The following RSPH10B2 variants were observed in gnomAD, a reference collection of about 807,000 sequenced individuals.
The protein encoded by RSPH10B2 is radial spoke head 10 homolog B2.
In RSPH10B2, 9 loss-of-function variants were observed where a neutral mutation model predicts 49.0. That is an observed-to-expected ratio of 0.18 (90% CI 0.11 to 0.32). The LOEUF (loss-of-function observed/expected upper bound fraction) is 0.32, where lower values mean the gene tolerates loss of function less well. Among genes scored for constraint, RSPH10B2 ranks in the 10% least tolerant of loss-of-function variants. The probability of loss-of-function intolerance (pLI) is 1.00; values close to 1 mark genes in which losing one functional copy is unlikely to be tolerated. For synonymous variants in RSPH10B2, 35 were observed against 210.2 expected (o/e 0.17, Z 7.21); for missense variants, 95 against 589.9 (o/e 0.16, Z 8.69).
At position 6,784,758 on chromosome 7, in the gene RSPH10B2, C is replaced by A. The variant is rs569523172; in HGVS notation, c.1759-1191C>A. Among the ~76,000 whole-genome samples, 46 of 126,478 alleles carry A rather than the reference C, an allele frequency of 3.6e-4. 3 individuals carry two copies. The highest frequency in any genetic ancestry group is 6.7e-4 in the Non-Finnish European group (42 of 62,754). 83.0% of individuals were successfully genotyped at this position (126,478 alleles called of 152,430 possible). On this transcript the variant is annotated intron_variant, in intron 13 of 18. Coordinates refer to ENST00000297186, the Ensembl canonical transcript of RSPH10B2. Reference sequence around the variant, plus strand: ...TTTTTTTGTATTTTTAGTAGAGATGCGGTTTGTCCATGTTGGCCAGGATGG... The same window carrying A: ...TTTTTTTGTATTTTTAGTAGAGATGAGGTTTGTCCATGTTGGCCAGGATGG...
chr7:6,779,925 G>A (rs2462663), intron 11 of RSPH10B2, among the ~76,000 whole-genome samples: 102 of 131,756 alleles, frequency 7.7e-4, no homozygotes, highest in African/African-American at 2.3e-3. Flanking sequence ...CTTCTGCCTC[G>A]GGCTCCTGGG....
intron 17 of RSPH10B2, among the ~76,000 whole-genome samples, chr7:6,795,872 C>T (rs1264391234): frequency 2.0e-5 from 3 of 148,332 alleles, no homozygotes; most frequent in Non-Finnish European, 4.5e-5. Flanking sequence ...CTCCAGGCTT[C>T]AGTGAGCCAT....
chr7:6,783,834 TA>T (rs1562413615), intron 13 of RSPH10B2, among the ~76,000 whole-genome samples: 3 of 143,548 alleles, frequency 2.1e-5, no homozygotes, highest in African/African-American at 7.9e-5. Context: ...ATAATAATAA[TA>T]ATAATTATTA....
chr7:6,765,787 A>T lies in RSPH10B2; in HGVS notation c.655A>T (p.Arg219Ter). 1 of 1,574,038 alleles carries T rather than the reference A, an allele frequency of 6.4e-7. No homozygotes were observed. The highest frequency in any genetic ancestry group is 8.6e-7 in the Non-Finnish European group (1 of 1,167,904). The stretch of plus-strand genomic sequence containing the variant: ...AAACATCAAAAAGGGCTGGGGAATA[A>T]GATGGTAGGTATGACCACTGCCGCG... Residue 219 changes from arginine (R) to a stop codon, truncating the protein, a stop_gained, in exon 5 of 19, where the codon AGA (arginine) becomes TGA (stop). Transcript: ENST00000297186. LOFTEE classifies it high-confidence loss of function.
rs1212330220 is a variant in RSPH10B2 at position 6,780,812 on chromosome 7, G to A, written c.1533G>A (p.Lys511=). Residue 511 remains lysine (K), a synonymous_variant, in exon 12 of 19, where the codon AAG becomes AAA. Coordinates refer to ENST00000297186, the Ensembl canonical transcript of RSPH10B2. ...TATCTTTTGATGATTATCACAGAAA[G>A]AGAAGCCCATCCCTCTTCTTGTGTT... 5 of 1,491,962 alleles carry A rather than the reference G, an allele frequency of 3.4e-6. 1 individual carries two copies. The African/African-American group carries it at 4.9e-5, about 15-fold the overall frequency. 92.4% of individuals were successfully genotyped at this position (1,491,962 alleles called of 1,614,324 possible).
intron 13 of RSPH10B2, among the ~76,000 whole-genome samples, chr7:6,783,957 C>T (rs1395993293): frequency 2.3e-5 from 3 of 130,810 alleles, no homozygotes; most frequent in African/African-American, 8.9e-5. Flanking sequence ...CTGCCTCAGC[C>T]TCCCGAGTAG....
At chr7:6,756,019 C>T (rs529652917), upstream of RSPH10B2, among the ~76,000 whole-genome samples, 3 of 148,904 alleles carry the variant, frequency 2.0e-5, no homozygotes, top group Middle Eastern at 3.5e-3. Context: ...CCTGTAATCC[C>T]AGCACTTTGG....
chr7:6,776,872 A>ATCTC (rs1430562193), intron 10 of RSPH10B2, among the ~76,000 whole-genome samples: 5 of 41,316 alleles, frequency 1.2e-4, no homozygotes, highest in African/African-American at 4.5e-4. Context: ...GCGAGACTCC[A>ATCTC]TCACACACAC....
chr7:6,779,829 A>T lies in RSPH10B2; in HGVS notation c.1529+105A>T, dbSNP rs1347176415. ...AGCAGTCATTTTTATTTTTTTGGAG[A>T]TGGAGTCTTGCTCTGTCGCCCAGGC... is the stretch of plus-strand genomic sequence containing the variant. On this transcript the variant is annotated intron_variant, in intron 11 of 18. Coordinates refer to ENST00000297186, the Ensembl canonical transcript of RSPH10B2. 2.1e-5 allele frequency: 7 copies of T among 333,272 alleles called. No homozygotes were observed. In the Admixed American group the frequency reaches 4.2e-4, roughly 20 times the overall value. The allele number at this position is 333,272 out of a possible 1,614,324, so 20.6% of individuals were successfully genotyped here.
intron 3 of RSPH10B2, among the ~76,000 whole-genome samples, chr7:6,760,534 G>A (rs1199865075): frequency 9.0e-6 from 1 of 110,694 alleles, no homozygotes; most frequent in African/African-American, 3.3e-5. Context: ...ACACATACAT[G>A]TATGTAGCTT....
intron 7 of RSPH10B2, among the ~76,000 whole-genome samples, chr7:6,770,550 G>T (rs1215230063): frequency 1.5e-5 from 2 of 132,746 alleles, no homozygotes; most frequent in South Asian, 4.7e-4. Context: ...GGCGGAGGTT[G>T]CAGTGAGTTA....
At chr7:6,763,888 C>A in intron 3 of RSPH10B2, 40 bp from the exon 6 acceptor site, 1 of 1,603,614 alleles carries the variant, frequency 6.2e-7, no homozygotes. Flanking sequence ...CCCCACCCCC[C>A]AACGCTTCCT....
chr7:6,782,936 T>A (rs1316251132), intron 13 of RSPH10B2, among the ~76,000 whole-genome samples: 1 of 126,646 alleles, frequency 7.9e-6, no homozygotes, highest in Non-Finnish European at 1.7e-5. Context: ...ACAATTACAG[T>A]TTATCGAAAA....
upstream of RSPH10B2, among the ~76,000 whole-genome samples, chr7:6,756,194 C>T (rs1444815836): frequency 3.5e-5 from 5 of 141,734 alleles, no homozygotes; most frequent in Admixed American, 7.0e-5. Flanking sequence ...GGCATGAACC[C>T]GGGAGGTGGA....
At chr7:6,784,628 C>T (rs1338361785) in intron 13 of RSPH10B2, among the ~76,000 whole-genome samples, 2 of 108,760 alleles carry the variant, frequency 1.8e-5, no homozygotes, top group African/African-American at 8.0e-5. Context: ...TGCGGTGGCA[C>T]GATCTCACCT....
chr7:6,781,420 G>A (rs1781930316), exon 13 of RSPH10B2: 1 of 1,296,906 alleles, frequency 7.7e-7, no homozygotes, highest in South Asian at 1.9e-5. Flanking sequence ...CAGACCCAGT[G>A]CAGCGCCTCC....
chr7:6,752,932 CAG>C (rs1780936473), upstream of RSPH10B2: 1 of 139,574 alleles, frequency 7.2e-6, no homozygotes, highest in Non-Finnish European at 1.5e-5. Flanking sequence ...TTAGTAGAGA[CAG>C]GGTTTCACCA....
chr7:6,752,150 C>T (rs1780901496), upstream of RSPH10B2, among the ~76,000 whole-genome samples: 1 of 150,678 alleles, frequency 6.6e-6, no homozygotes, highest in Admixed American at 6.7e-5. Flanking sequence ...ACGGGGGATT[C>T]TCTGCCCGGC....
rs544147441 is a variant in RSPH10B2 at position 6,763,345 on chromosome 7, A to G, written c.400-583A>G. Among the ~76,000 whole-genome samples, 83 of 91,452 alleles carry G rather than the reference A, an allele frequency of 9.1e-4. 3 individuals are homozygous for G. Among genetic ancestry groups the G allele is most frequent in the African/African-American group, 3.7e-3 (79 of 21,516 alleles). 60.0% of individuals were successfully genotyped at this position (91,452 alleles called of 152,430 possible). ...TCCCAGCTACTTGGGAGGCTGAGGC[A>G]GGAGAACTGCTTGAACCTGGGAGGC... On this transcript the variant is annotated intron_variant, in intron 3 of 18. Coordinates refer to ENST00000297186, the Ensembl canonical transcript of RSPH10B2.
Sources: allele counts gnomAD v4.1 joint callset (sites outside exome capture counted in the v4.1 genomes callset), GRCh38; gene constraint gnomAD v4.1.1; transcripts MANE v1.5; gene names NCBI Gene and HGNC (gene_info 2026-07-23, HGNC 2026-07-21).